KCNIP4: variants seen among roughly 807,000 people sequenced by gnomAD.
KCNIP4 encodes the protein Kv channel-interacting protein 4.
Under a neutral mutation model 34.0 loss-of-function variants are expected in KCNIP4, and 12 were observed. The ratio of observed to expected loss-of-function variants is 0.35; its 90% confidence interval spans 0.23 to 0.57. The LOEUF is 0.57. Ranked by LOEUF, KCNIP4 falls within the 20% of genes least tolerant of loss-of-function variation. The probability of loss-of-function intolerance (pLI) is 0.83; values close to 1 mark genes in which losing one functional copy is unlikely to be tolerated. For synonymous variants in KCNIP4, 124 were observed against 102.2 expected (o/e 1.21, Z -1.29); for missense variants, 238 against 311.7 (o/e 0.76, Z 1.78).
chr4:21,041,173 T>C (rs1294184281), intron 1 of KCNIP4, among the ~76,000 whole-genome samples: 1 of 151,998 alleles, frequency 6.6e-6, no homozygotes, highest in Non-Finnish European at 1.5e-5. Context: ...AGATGACATA[T>C]ATGAGCATGT....
intron 1 of KCNIP4, among the ~76,000 whole-genome samples, chr4:21,504,360 G>A (rs1207749381): frequency 6.6e-6 from 1 of 151,386 alleles, no homozygotes; most frequent in Non-Finnish European, 1.5e-5. Flanking sequence ...CCCAGCTACT[G>A]GGGGAGCTGA....
intron 1 of KCNIP4, among the ~76,000 whole-genome samples, chr4:21,249,357 T>C (rs77223673): frequency 0.011 from 1,719 of 152,128 alleles, 26 homozygotes; most frequent in African/African-American, 0.034. Flanking sequence ...GATGCATTAG[T>C]GATGGTGTTG....
At chr4:21,281,487 A>C (rs1334259869) in intron 1 of KCNIP4, among the ~76,000 whole-genome samples, 1 of 152,192 alleles carries the variant, frequency 6.6e-6, no homozygotes, top group African/African-American at 2.4e-5. Context: ...TGATGTGTCA[A>C]GTTTAGAGCA....
intron 1 of KCNIP4, among the ~76,000 whole-genome samples, chr4:21,256,583 A>G (rs1436797840): frequency 6.6e-6 from 1 of 152,154 alleles, no homozygotes; most frequent in Admixed American, 6.6e-5. Flanking sequence ...TGGGTGACAG[A>G]GTAAGACAGT....
At chr4:20,946,691 A>G (rs550312361) in intron 1 of KCNIP4, among the ~76,000 whole-genome samples, 1 of 152,214 alleles carries the variant, frequency 6.6e-6, no homozygotes, top group East Asian at 1.9e-4. Context: ...TCAAATTCTT[A>G]TTATGTGTCA....
chr4:21,769,822 C>G (rs547333247), intron 1 of KCNIP4, among the ~76,000 whole-genome samples: 117 of 152,070 alleles, frequency 7.7e-4, no homozygotes, highest in African/African-American at 2.7e-3. Context: ...AAATTCTGTT[C>G]GTCAATAAAA....
intron 1 of KCNIP4, among the ~76,000 whole-genome samples, chr4:21,617,141 A>C (rs535986324): frequency 1.3e-5 from 2 of 152,336 alleles, no homozygotes; most frequent in East Asian, 3.9e-4. Context: ...CAAAACTGTC[A>C]TTTGATAACA....
At chr4:21,283,978 C>T (rs1578017842) in intron 1 of KCNIP4, among the ~76,000 whole-genome samples, 1 of 152,108 alleles carries the variant, frequency 6.6e-6, no homozygotes, top group East Asian at 1.9e-4. Flanking sequence ...CTTTGGGAGG[C>T]CGAGGTGGGC....
intron 1 of KCNIP4, among the ~76,000 whole-genome samples, chr4:21,335,784 C>T (rs1019541371): frequency 6.6e-6 from 1 of 152,060 alleles, no homozygotes; most frequent in Non-Finnish European, 1.5e-5. Flanking sequence ...AGTGGTATAG[C>T]CAGTTTCTAA....
chr4:21,274,156 A>C (rs945743846), intron 1 of KCNIP4, among the ~76,000 whole-genome samples: 2 of 152,202 alleles, frequency 1.3e-5, no homozygotes, highest in African/African-American at 4.8e-5. Context: ...TACATGTTCT[A>C]TGAAACAGAT....
intron 1 of KCNIP4, among the ~76,000 whole-genome samples, chr4:21,629,481 C>T (rs538705338): frequency 1.7e-4 from 26 of 152,168 alleles, no homozygotes; most frequent in African/African-American, 5.5e-4. Context: ...TATTTGATGC[C>T]CTGTTAGAGT....
intron 1 of KCNIP4, among the ~76,000 whole-genome samples, chr4:21,676,872 G>T (rs778630359): frequency 3.3e-4 from 50 of 151,590 alleles, no homozygotes; most frequent in Non-Finnish European, 6.0e-4. Flanking sequence ...AATTAATACT[G>T]CAATCACATT....
chr4:20,929,734 T>C (rs1039479900), intron 1 of KCNIP4, among the ~76,000 whole-genome samples: 1 of 151,940 alleles, frequency 6.6e-6, no homozygotes, highest in East Asian at 1.9e-4. Flanking sequence ...TTTTATACAC[T>C]AATAACAACA....
intron 1 of KCNIP4, among the ~76,000 whole-genome samples, chr4:21,625,769 G>C (rs1745277459): frequency 6.6e-6 from 1 of 152,118 alleles, no homozygotes; most frequent in South Asian, 2.1e-4. Context: ...AGGAAATAAT[G>C]GGAATAGTCA....
At chr4:21,911,752 A>G (rs1048515041) in intron 1 of KCNIP4, among the ~76,000 whole-genome samples, 3 of 151,694 alleles carry the variant, frequency 2.0e-5, no homozygotes, top group African/African-American at 7.3e-5. Flanking sequence ...CCATCTTGTA[A>G]TTCAATCATT....
intron 1 of KCNIP4, among the ~76,000 whole-genome samples, chr4:21,500,688 T>TA (rs1733248153): frequency 1.3e-5 from 2 of 152,142 alleles, no homozygotes; most frequent in Admixed American, 6.5e-5. Flanking sequence ...AACTCAACAG[T>TA]AAAAGTACTG....
chr4:21,105,273 G>C (rs906564964), intron 1 of KCNIP4, among the ~76,000 whole-genome samples: 1 of 151,342 alleles, frequency 6.6e-6, no homozygotes, highest in Non-Finnish European at 1.5e-5. Flanking sequence ...TTATTTCATT[G>C]AGCAGTGGTT....
chr4:20,938,112 G>A (rs924546498), intron 1 of KCNIP4, among the ~76,000 whole-genome samples: 2 of 151,842 alleles, frequency 1.3e-5, no homozygotes, highest in African/African-American at 4.8e-5. Flanking sequence ...CAGAGCTAAT[G>A]AAACTGTCAC....
intron 1 of KCNIP4, among the ~76,000 whole-genome samples, chr4:21,478,696 G>A (rs538408367): frequency 6.6e-6 from 1 of 152,268 alleles, no homozygotes; most frequent in South Asian, 2.1e-4. Context: ...CCAAGAGAAA[G>A]CAAGACGGGG....
Sources: gnomAD v4.1 joint callset for allele counts (sites outside exome capture counted in the v4.1 genomes callset) on GRCh38, gnomAD v4.1.1 for gene constraint, MANE v1.5 for transcripts, NCBI Gene and HGNC (gene_info 2026-07-23, HGNC 2026-07-21) for gene names.